The following ATXN7L1 variants were observed in gnomAD, a reference collection of about 807,000 sequenced individuals.
ATXN7L1 encodes the protein ataxin 7 like 1.
ATXN7L1 carries 15 observed loss-of-function variants against 70.8 expected under a neutral mutation model. That is an observed-to-expected ratio of 0.21 (90% confidence interval 0.14 to 0.33). The LOEUF is 0.33. ATXN7L1 is among the 10% of genes least tolerant of loss of function. The pLI is 1.00. For missense variants in ATXN7L1, 975 were observed against 1,097.1 expected, an observed-to-expected ratio of 0.89 and a Z score of 1.57; for synonymous variants, 440 against 445.1, an observed-to-expected ratio of 0.99 and a Z score of 0.14.
intron 4 of ATXN7L1, among the ~76,000 whole-genome samples, chr7:105,644,888 A>C (rs1481715464): frequency 6.6e-6 from 1 of 152,260 alleles, no homozygotes; most frequent in African/African-American, 2.4e-5. Context: ...CCATCAATGG[A>C]TGAATGGATA....
intron 2 of ATXN7L1, among the ~76,000 whole-genome samples, chr7:105,844,082 G>C (rs529321213): frequency 4.6e-5 from 7 of 152,226 alleles, no homozygotes; most frequent in African/African-American, 1.7e-4. Flanking sequence ...ACCCCAAATG[G>C]CCTGCACTTC....
intron 11 of ATXN7L1, 69 bp from the exon 12 acceptor site, chr7:105,607,959 A>G: frequency 7.3e-7 from 1 of 1,375,580 alleles, no homozygotes; most frequent in Admixed American, 2.0e-5. Context: ...GAATTCAAGG[A>G]TGGAGACTTA....
At chr7:105,822,334 A>G (rs1810282557) in intron 2 of ATXN7L1, among the ~76,000 whole-genome samples, 1 of 152,342 alleles carries the variant, frequency 6.6e-6, no homozygotes, top group South Asian at 2.1e-4. Context: ...GTAGGGAGAA[A>G]GGTGCTCTCC....
intron 9 of ATXN7L1, among the ~76,000 whole-genome samples, chr7:105,616,036 C>G (rs1048321687): frequency 3.3e-5 from 5 of 152,242 alleles, no homozygotes; most frequent in Admixed American, 6.5e-5. Flanking sequence ...CCCTCGGGAG[C>G]CAGGTAAATG....
At chr7:105,624,595 A>G (rs781363996) in intron 7 of ATXN7L1, among the ~76,000 whole-genome samples, 12 of 143,506 alleles carry the variant, frequency 8.4e-5, no homozygotes, top group Non-Finnish European at 1.8e-4. Flanking sequence ...GGTTGCAGTG[A>G]GCCGAGATCA....
At chr7:105,856,356 C>T (rs144899352) in intron 2 of ATXN7L1, among the ~76,000 whole-genome samples, 13,233 of 152,176 alleles carry the variant, frequency 0.087, 714 homozygotes, top group East Asian at 0.22. Context: ...GAGGCTGAGG[C>T]GGGTCGATCA....
At chr7:105,739,141 G>A (rs1414352303) in intron 3 of ATXN7L1, among the ~76,000 whole-genome samples, 1 of 152,180 alleles carries the variant, frequency 6.6e-6, no homozygotes, top group Non-Finnish European at 1.5e-5. Flanking sequence ...GGCTTTTAGG[G>A]ACCTGGAACC....
intron 4 of ATXN7L1, among the ~76,000 whole-genome samples, chr7:105,649,911 C>G (rs754454424): frequency 6.6e-6 from 1 of 152,190 alleles, no homozygotes; most frequent in Non-Finnish European, 1.5e-5. Flanking sequence ...ATGCTGCTGG[C>G]CTGGCAGAAT....
intron 4 of ATXN7L1, among the ~76,000 whole-genome samples, chr7:105,662,393 C>T (rs1801851807): frequency 1.3e-5 from 2 of 152,158 alleles, no homozygotes; most frequent in Non-Finnish European, 2.9e-5. Context: ...TGAGCCACTG[C>T]GCCCAGTCAG....
intron 2 of ATXN7L1, among the ~76,000 whole-genome samples, chr7:105,801,883 G>C (rs924280776): frequency 6.6e-6 from 1 of 152,136 alleles, no homozygotes; most frequent in Non-Finnish European, 1.5e-5. Flanking sequence ...TTTCTTCAGA[G>C]AGCCAGTGTA....
At chr7:105,799,733 T>C (rs1806535161) in intron 2 of ATXN7L1, among the ~76,000 whole-genome samples, 1 of 152,136 alleles carries the variant, frequency 6.6e-6, no homozygotes, top group South Asian at 2.1e-4. Flanking sequence ...GAGGTCAGTG[T>C]CCACTTGGGA....
At chr7:105,768,816 T>C (rs1441296245) in intron 3 of ATXN7L1, among the ~76,000 whole-genome samples, 1 of 152,236 alleles carries the variant, frequency 6.6e-6, no homozygotes, top group Admixed American at 6.5e-5. Context: ...AAAGCTTGGG[T>C]CCTGAGTAAG....
At chr7:105,815,857 A>T (rs1189375253) in intron 2 of ATXN7L1, among the ~76,000 whole-genome samples, 4 of 152,230 alleles carry the variant, frequency 2.6e-5, no homozygotes, top group African/African-American at 7.2e-5. Context: ...AGTTCACAGG[A>T]TGCTTGTGAG....
chr7:105,727,777 T>TGTATATATATAC (rs1554442582), intron 3 of ATXN7L1, among the ~76,000 whole-genome samples: 3 of 90,246 alleles, frequency 3.3e-5, no homozygotes, highest in African/African-American at 1.8e-4. Context: ...TATATATATA[T>TGTATATATATAC]ACACACACAT....
intron 3 of ATXN7L1, among the ~76,000 whole-genome samples, chr7:105,733,649 T>C (rs377197169): frequency 1.6e-3 from 155 of 94,242 alleles, no homozygotes; most frequent in African/African-American, 5.7e-3. Context: ...CATCCATCCA[T>C]CCATCCATCC....
intron 1 of ATXN7L1, 72 bp from the exon 2 acceptor site, chr7:105,875,952 G>C: frequency 7.7e-7 from 1 of 1,295,300 alleles, no homozygotes; most frequent in Non-Finnish European, 1.1e-6. Context: ...GTCAAGGGGG[G>C]AGGGAGAGTG....
chr7:105,690,841 C>A (rs1013709491), intron 3 of ATXN7L1, among the ~76,000 whole-genome samples: 2 of 152,092 alleles, frequency 1.3e-5, no homozygotes, highest in Non-Finnish European at 2.9e-5. Context: ...TTACGGGAAA[C>A]CCTTTTATAG....
intron 3 of ATXN7L1, among the ~76,000 whole-genome samples, chr7:105,769,499 C>T (rs1379526178): frequency 6.6e-6 from 1 of 152,086 alleles, no homozygotes; most frequent in Non-Finnish European, 1.5e-5. Context: ...GGAATGCCAG[C>T]CTAAGTATTT....
At chr7:105,810,031 C>T (rs911739236) in intron 2 of ATXN7L1, among the ~76,000 whole-genome samples, 12 of 152,174 alleles carry the variant, frequency 7.9e-5, no homozygotes, top group African/African-American at 2.9e-4. Flanking sequence ...CTTGGCCTCC[C>T]AAAGTGTTGA....
Sources: gnomAD v4.1 joint callset for allele counts (sites outside exome capture counted in the v4.1 genomes callset) on GRCh38, gnomAD v4.1.1 for gene constraint, MANE v1.5 for transcripts, NCBI Gene and HGNC (gene_info 2026-07-23, HGNC 2026-07-21) for gene names.